The following VWA8 variants were observed in gnomAD, a reference collection of about 807,000 sequenced individuals.
VWA8 encodes von Willebrand factor A domain-containing protein 8.
Under a neutral mutation model 241.5 loss-of-function variants are expected in VWA8, and 221 were observed. The observed-to-expected ratio is 0.91, with a 90% CI of 0.82 to 1.02. VWA8 has a LOEUF of 1.02. Ranked by LOEUF, VWA8 falls within the 50% of genes least tolerant of loss-of-function variation. The pLI is 0.00. For missense variants in VWA8, 2,322 were observed against 2,328.7 expected, an observed-to-expected ratio of 1.00 and a Z score of 0.06; for synonymous variants, 852 against 827.1, an observed-to-expected ratio of 1.03 and a Z score of -0.52.
At chr13:41,751,139 A>T (rs898833003) in intron 21 of VWA8, among the ~76,000 whole-genome samples, 6 of 93,390 alleles carry the variant, frequency 6.4e-5, no homozygotes, top group Non-Finnish European at 1.2e-4. Context: ...AATGTTAAAT[A>T]AAAAAAAAAT....
intron 24 of VWA8, among the ~76,000 whole-genome samples, chr13:41,721,835 T>G (rs1166382842): frequency 1.3e-5 from 2 of 152,130 alleles, no homozygotes; most frequent in African/African-American, 4.8e-5. Context: ...CCGGGAGATA[T>G]TCCAATACAA....
At chr13:41,783,498 C>T (rs1868988627) in intron 19 of VWA8, among the ~76,000 whole-genome samples, 1 of 151,816 alleles carries the variant, frequency 6.6e-6, no homozygotes, top group African/African-American at 2.4e-5. Context: ...ATTAGCCAGG[C>T]ATGGTGGCAC....
chr13:41,711,486 AG>A (rs2045315853), intron 26 of VWA8, among the ~76,000 whole-genome samples: 1 of 152,220 alleles, frequency 6.6e-6, no homozygotes, highest in African/African-American at 2.4e-5. Flanking sequence ...ACAGGTACAC[AG>A]GTAATGCACA....
At chr13:41,818,028 T>C (rs1870774010) in intron 15 of VWA8, among the ~76,000 whole-genome samples, 1 of 151,388 alleles carries the variant, frequency 6.6e-6, no homozygotes, top group South Asian at 2.1e-4. Flanking sequence ...AGTGGTGTGA[T>C]CTCGGCTCAC....
chr13:41,792,220 T>C (rs1869491629), intron 17 of VWA8, among the ~76,000 whole-genome samples: 1 of 151,636 alleles, frequency 6.6e-6, no homozygotes, highest in African/African-American at 2.4e-5. Context: ...TACTTTATAG[T>C]CCCTGAATGC....
At chr13:41,678,997 T>C (rs2045079337) in intron 35 of VWA8, among the ~76,000 whole-genome samples, 1 of 152,230 alleles carries the variant, frequency 6.6e-6, no homozygotes, top group Non-Finnish European at 1.5e-5. Context: ...TTGAACAGAA[T>C]ACTTGACTGA....
chr13:41,778,003 TAA>T lies in VWA8; in HGVS notation c.2329_2330del (p.Leu777IlefsTer15), dbSNP rs771857395. On this transcript the variant is annotated frameshift_variant, in exon 20 of 45. Transcript: ENST00000379310. LOFTEE classifies it high-confidence loss of function. Reference sequence around the variant, plus strand: ...AACTCACCTGGTTGCCAACCAATAATAAGTGTTCTCCAAGGAGAAAGTCTTTC... The same window carrying T: ...AACTCACCTGGTTGCCAACCAATAATGTGTTCTCCAAGGAGAAAGTCTTTC... ...MLKDFLLGEH[L>X]LLVGNQGVGK... The T allele has an allele frequency of 2.2e-5, 35 of 1,611,694 alleles. No individual in the cohort carries two copies. The highest frequency in any genetic ancestry group is 2.9e-5 in the Non-Finnish European group (34 of 1,179,224).
chr13:41,611,734 TG>T lies in VWA8; in HGVS notation c.4721-3del. On this transcript the variant is annotated splice_region_variant and splice_polypyrimidine_tract_variant and intron_variant, in intron 38 of 44. Transcript: ENST00000379310. Reference sequence around the variant, plus strand: ...CCAGGCCTGCCGTGTCTCTTCCCCCTGGAAGGAAAACGTGGAAATTCAGATG... The same window carrying T: ...CCAGGCCTGCCGTGTCTCTTCCCCCTGAAGGAAAACGTGGAAATTCAGATG... 6.2e-7 allele frequency: 1 copy of T among 1,612,962 alleles called. No homozygotes were observed. Among genetic ancestry groups the T allele is most frequent in the Non-Finnish European group, 8.5e-7 (1 of 1,179,574 alleles).
chr13:41,879,376 CACACAT>C (rs967147709), intron 9 of VWA8, among the ~76,000 whole-genome samples: 9 of 95,996 alleles, frequency 9.4e-5, no homozygotes, highest in African/African-American at 2.9e-4. Context: ...CTCATACATA[CACACAT>C]ACACACACAC....
intron 1 of VWA8, among the ~76,000 whole-genome samples, chr13:41,956,435 T>C (rs1878356112): frequency 6.6e-6 from 1 of 152,230 alleles, no homozygotes; most frequent in Admixed American, 6.5e-5. Context: ...CCTAATGATT[T>C]ATAAGCTTAC....
rs775115330 is a variant in VWA8, at chr13:41,873,649, C to G, written c.1081-5172G>C. Among the ~76,000 whole-genome samples, 904 of 152,282 alleles carry G rather than the reference C, an allele frequency of 5.9e-3. 4 individuals are homozygous for G. Among genetic ancestry groups the G allele is most frequent in the Admixed American group, 9.7e-3 (148 of 15,288 alleles). On this transcript the variant is annotated intron_variant, in intron 9 of 44. Coordinates refer to ENST00000379310, the MANE Select transcript of VWA8 (RefSeq NM_015058.2). ...ACTAAACCAGGAAGAAGTTGAATCT[C>G]TGAATAGACCAATAACAGGAGCTGA...
chr13:41,741,019 C>T (rs1456410423), intron 21 of VWA8, among the ~76,000 whole-genome samples: 7 of 152,190 alleles, frequency 4.6e-5, no homozygotes, highest in Non-Finnish European at 7.3e-5. Flanking sequence ...CCTATTAAAA[C>T]TGTAATCTCT....
intron 29 of VWA8, among the ~76,000 whole-genome samples, chr13:41,696,618 T>C (rs1211433388): frequency 1.3e-5 from 2 of 152,202 alleles, no homozygotes; most frequent in Non-Finnish European, 2.9e-5. Flanking sequence ...GCCTCAGTCC[T>C]CTCATATGTA....
At chr13:41,755,320 T>C (rs909927462) in intron 21 of VWA8, among the ~76,000 whole-genome samples, 2 of 152,060 alleles carry the variant, frequency 1.3e-5, no homozygotes, top group African/African-American at 4.8e-5. Context: ...GGGTAATATA[T>C]ATATTTTAAA....
At chr13:41,842,504 T>C (rs1939983368) in intron 12 of VWA8, among the ~76,000 whole-genome samples, 1 of 152,230 alleles carries the variant, frequency 6.6e-6, no homozygotes, top group African/African-American at 2.4e-5. Context: ...TGCAGTTGTA[T>C]GTGTGGTAAG....
Position 41,935,563 on chromosome 13 carries a change from T to C in VWA8, c.241+14373A>G, listed in dbSNP as rs932359692. On this transcript the variant is annotated intron_variant, in intron 2 of 44. Coordinates refer to ENST00000379310, the MANE Select transcript of VWA8 (RefSeq NM_015058.2). ...TATTAGCTATTTTAAAAATTACAAA[T>C]GTAGTACATACTTACTATAATTTTA... 6.6e-5 allele frequency among the ~76,000 whole-genome samples: 10 copies of C among 152,012 alleles called. No homozygotes were observed. The East Asian group carries it at 9.7e-4, about 15-fold the overall frequency.
At chr13:41,836,913 T>C (rs1871758115) in intron 12 of VWA8, among the ~76,000 whole-genome samples, 1 of 152,214 alleles carries the variant, frequency 6.6e-6, no homozygotes, top group Admixed American at 6.5e-5. Flanking sequence ...GGATAGAACA[T>C]GGGAAATACT....
chr13:41,693,040 C>A (rs2045190621), intron 29 of VWA8, 68 bp from the exon 30 acceptor site: 11 of 1,073,520 alleles, frequency 1.0e-5, no homozygotes, highest in Non-Finnish European at 1.3e-6. Flanking sequence ...AAAGCAGCAA[C>A]CTCTTGGCAA....
intron 20 of VWA8, among the ~76,000 whole-genome samples, chr13:41,763,293 A>G (rs925813125): frequency 2.0e-4 from 28 of 137,166 alleles, no homozygotes; most frequent in African/African-American, 7.2e-4. Context: ...ACCTGTAAAA[A>G]TAAATAAATA....
Sources: allele counts gnomAD v4.1 joint callset (sites outside exome capture counted in the v4.1 genomes callset), GRCh38; gene constraint gnomAD v4.1.1; transcripts MANE v1.5; gene names NCBI Gene and HGNC (gene_info 2026-07-23, HGNC 2026-07-21).